Variants in TINAGL1 observed in about 807,000 individuals in gnomAD.
TINAGL1 encodes the protein tubulointerstitial nephritis antigen-like.
TINAGL1 carries 34 observed loss-of-function variants against 62.0 expected under a neutral mutation model. The ratio of observed to expected loss-of-function variants is 0.55; its 90% CI spans 0.42 to 0.73. TINAGL1 has a LOEUF of 0.73. TINAGL1 is among the 30% of genes least tolerant of loss of function. TINAGL1 has a pLI of 0.00. For missense variants in TINAGL1, 516 were observed against 653.2 expected (o/e 0.79, Z 2.29); for synonymous variants, 221 against 249.7 (o/e 0.88, Z 1.08).
chr1:31,587,128 A>AAC lies in TINAGL1; in HGVS notation c.*149_*150insAC. The AAC allele has an allele frequency of 8.3e-7, 1 of 1,208,140 alleles. No individual in the cohort carries two copies. The highest frequency in any genetic ancestry group is 3.0e-4 in the Middle Eastern group (1 of 3,282). The allele number at this position is 1,208,140 out of a possible 1,614,324, so 74.8% of individuals were successfully genotyped here. A position where few individuals can be genotyped will look rare whatever the true frequency, so the allele number is the denominator to read the frequency against. On this transcript the variant is annotated 3_prime_UTR_variant, in exon 12 of 12. Coordinates refer to ENST00000271064, the MANE Select transcript of TINAGL1 (RefSeq NM_022164.3). ...GCTAATCCCGGCGCGGGTTCCGCTGACGCAGCGCCCCGCCTGGGAGCCGCG... is the reference window on the plus strand; with the variant it reads ...GCTAATCCCGGCGCGGGTTCCGCTGAACCGCAGCGCCCCGCCTGGGAGCCGCG...
In TINAGL1 at chr1:31,586,045, T is replaced by C. The variant is rs192957741; in HGVS notation, c.1217+169T>C. The C allele has an allele frequency of 1.7e-4, 172 of 993,376 alleles. 1 individual carries two copies. The African/African-American group carries it at 2.1e-3, about 12-fold the overall frequency. The allele number at this position is 993,376 out of a possible 1,614,324, so 61.5% of individuals were successfully genotyped here. A position where few individuals can be genotyped will look rare whatever the true frequency, so the allele number is the denominator to read the frequency against. On this transcript the variant is annotated intron_variant, in intron 10 of 11. Coordinates refer to ENST00000271064, the MANE Select transcript of TINAGL1 (RefSeq NM_022164.3). The stretch of plus-strand genomic sequence containing the variant: ...GAGAAAGGACTTGCCCTGGGTCGAA[T>C]TGAAGGTTGGGAGCCTCTGAAGGCT...
intron 10 of TINAGL1, chr1:31,586,469 C>G (rs2148596583): frequency 3.3e-6 from 2 of 599,722 alleles, no homozygotes; most frequent in African/African-American, 3.7e-5. Flanking sequence ...TCCTCTTCTG[C>G]TCACCTTGCC....
chr1:31,584,924 C>T lies in TINAGL1; in HGVS notation c.745C>T (p.His249Tyr), dbSNP rs774678288. 5.0e-6 allele frequency: 8 copies of T among 1,609,596 alleles called. No homozygotes were observed. The highest frequency in any genetic ancestry group is 6.8e-6 in the Non-Finnish European group (8 of 1,176,224). The change falls in exon 7 of 12, where the codon CAC becomes TAC. Residue 249 changes from histidine (H) to tyrosine (Y), a missense_variant. His to Tyr is a moderately conservative substitution (Grantham distance 83). Transcript: ENST00000271064. This position sits in a 1 kb window ranked among gnomAD's most constrained non-coding sequence, Gnocchi z 4.0. ...SDRVSIHSLG[H>Y]MTPVLSPQNL... ...TCGTGTCTCAATCCATTCTCTGGGA[C>T]ACATGACGCCTGTCCTGTCGCCCCA...
At position 31,583,122 on chromosome 1, in the gene TINAGL1, C is replaced by G. The variant is rs768655647; in HGVS notation, c.375-27C>G. On this transcript the variant is annotated intron_variant, in intron 3 of 11. Coordinates refer to ENST00000271064, the MANE Select transcript of TINAGL1 (RefSeq NM_022164.3). This position sits in a 1 kb window ranked among gnomAD's most constrained non-coding sequence, Gnocchi z 4.4. ...AAAGTATCCCCAGTCCCCCACTTAC[C>G]CTTTCCTTCTCTCCTTTTCTCACCA... 3 of 1,610,270 alleles carry G rather than the reference C, an allele frequency of 1.9e-6. No individual in the cohort carries two copies. Among genetic ancestry groups the G allele is most frequent in the Admixed American group, 3.3e-5 (2 of 60,020 alleles).
At position 31,585,260 on chromosome 1, in the gene TINAGL1, G is replaced by T. The variant is rs1271033472; in HGVS notation, c.967G>T (p.Ala323Ser). The T allele has an allele frequency of 1.2e-6, 2 of 1,613,642 alleles. No individual in the cohort carries two copies. The highest frequency in any genetic ancestry group is 2.2e-5 in the East Asian group (1 of 44,870). Residue 323 changes from alanine to serine, a missense_variant, in exon 8 of 12, where the codon GCC (alanine) becomes TCC (serine). Physicochemically the swap from Ala to Ser is moderately conservative, Grantham distance 99. Transcript: ENST00000271064. The surrounding 1 kb of genome is among the most constrained non-coding windows in gnomAD (Gnocchi z 4.3). The stretch of plus-strand genomic sequence containing the variant: ...AGCCATGGGTCGGGGCAAGCGCCAG[G>T]CCACTGCCCACTGCCCCAACAGCTA... ...SRAMGRGKRQ[A>S]TAHCPNSYVN...
intron 10 of TINAGL1, chr1:31,586,472 A>C (rs889963763): frequency 3.3e-6 from 2 of 600,860 alleles, no homozygotes; most frequent in South Asian, 3.9e-5. Context: ...TCTTCTGCTC[A>C]CCTTGCCTCC....
In TINAGL1 at chr1:31,584,990, C is replaced by T. The variant is rs1300883425; in HGVS notation, c.811C>T (p.Arg271Cys). The T allele has an allele frequency of 4.3e-6, 7 of 1,610,864 alleles. No individual in the cohort carries two copies. Among genetic ancestry groups the T allele is most frequent in the East Asian group, 2.2e-5 (1 of 44,794 alleles). ...TGACACCCACCAGCAGCAGGGCTGC[C>T]GCGGTGGGCGTCTCGATGGTGCCTG... is the stretch of plus-strand genomic sequence containing the variant. Reference protein sequence around the residue: ...SCDTHQQQGCRGGRLDGAWWF... With the variant: ...SCDTHQQQGCCGGRLDGAWWF... Residue 271 changes from arginine to cysteine, a missense_variant, in exon 7 of 12, where the codon CGC (arginine) becomes TGC (cysteine). Physicochemically the swap from Arg to Cys is radical, Grantham distance 180. Coordinates refer to ENST00000271064, the MANE Select transcript of TINAGL1 (RefSeq NM_022164.3). The surrounding 1 kb of genome is among the most constrained non-coding windows in gnomAD (Gnocchi z 4.0).
At position 31,584,808 on chromosome 1, in the gene TINAGL1, CA is replaced by C; in HGVS notation, c.706+9del. The C allele has an allele frequency of 6.2e-7, 1 of 1,614,260 alleles. No homozygotes were observed. The highest frequency in any genetic ancestry group is 1.7e-5 in the Admixed American group (1 of 60,034). On this transcript the variant is annotated splice_region_variant and intron_variant, in intron 6 of 11. Transcript: ENST00000271064. The surrounding 1 kb of genome is among the most constrained non-coding windows in gnomAD (Gnocchi z 4.0). ...TGGGCCTTCTCCACAGCAGGTAAGC[CA>C]AGGGCAAGGGCTGGCGCCTGGGAGA...
intron 3 of TINAGL1, among the ~76,000 whole-genome samples, chr1:31,581,138 C>T (rs1040220292): frequency 1.3e-5 from 2 of 152,190 alleles, no homozygotes; most frequent in African/African-American, 2.4e-5. Context: ...AGGGGAGAGA[C>T]GTCCCAAGGA....
chr1:31,577,604 A>C lies in TINAGL1; in HGVS notation c.310+146A>C. 5.6e-6 allele frequency: 5 copies of C among 893,176 alleles called. No individual in the cohort carries two copies. Among genetic ancestry groups the C allele is most frequent in the South Asian group, 3.7e-5 (2 of 53,540 alleles). The allele number at this position is 893,176 out of a possible 1,614,324, so 55.3% of individuals were successfully genotyped here. ...TCTTCCCTGCCCCTCTGGGAACTTT[A>C]CTCTCCAGCAAGACTGAAGAAGCTC... On this transcript the variant is annotated intron_variant, in intron 2 of 11. Coordinates refer to ENST00000271064, the MANE Select transcript of TINAGL1 (RefSeq NM_022164.3). The surrounding 1 kb of genome is among the most constrained non-coding windows in gnomAD (Gnocchi z 5.4).
rs556706285 is a variant in TINAGL1, at chr1:31,587,157, A to T, written c.*178A>T. 9.9e-7 allele frequency: 1 copy of T among 1,012,842 alleles called. No individual in the cohort carries two copies. 62.7% of individuals were successfully genotyped at this position (1,012,842 alleles called of 1,614,324 possible). A position where few individuals can be genotyped will look rare whatever the true frequency, so the allele number is the denominator to read the frequency against. The stretch of plus-strand genomic sequence containing the variant: ...AGCGCCCCGCCTGGGAGCCGCGGGC[A>T]GGCGAGACTGGCGGAGCCCCCAGAC... On this transcript the variant is annotated 3_prime_UTR_variant, in exon 12 of 12. Transcript: ENST00000271064.
intron 2 of TINAGL1, among the ~76,000 whole-genome samples, chr1:31,578,807 T>C (rs1185412150): frequency 3.6e-5 from 5 of 138,300 alleles, no homozygotes; most frequent in African/African-American, 2.7e-5. Flanking sequence ...TCAGTTATAG[T>C]TTAATTTCAG....
chr1:31,585,946 GGGTTCT>G lies in TINAGL1; in HGVS notation c.1217+71_1217+76del. 6.7e-7 allele frequency: 1 copy of G among 1,482,020 alleles called. No individual in the cohort carries two copies. The highest frequency in any genetic ancestry group is 9.0e-7 in the Non-Finnish European group (1 of 1,112,850). The allele number at this position is 1,482,020 out of a possible 1,614,324, so 91.8% of individuals were successfully genotyped here. On this transcript the variant is annotated intron_variant, in intron 10 of 11. Coordinates refer to ENST00000271064, the MANE Select transcript of TINAGL1 (RefSeq NM_022164.3). This position sits in a 1 kb window ranked among gnomAD's most constrained non-coding sequence, Gnocchi z 4.3. ...TGCTAGGGGCTCTGGAGCCTGCCTTGGGTTCTTACAACCTCTCTAAAAAGCCAGGAC... is the reference window on the plus strand; with the variant it reads ...TGCTAGGGGCTCTGGAGCCTGCCTTGTACAACCTCTCTAAAAAGCCAGGAC...
chr1:31,577,158 T>C lies in TINAGL1; in HGVS notation c.10T>C (p.Cys4Arg), dbSNP rs1268059340. Residue 4 changes from cysteine (C) to arginine (R), a missense_variant, in exon 2 of 12, where the codon TGT becomes CGT. Transcript: ENST00000271064. The surrounding 1 kb of genome is among the most constrained non-coding windows in gnomAD (Gnocchi z 5.4). ...GGGCCCAGGAGCCACCATGTGGCGA[T>C]GTCCACTGGGGCTACTGCTGTTGCT... MWR[C>R]PLGLLLLLPL... The C allele has an allele frequency of 6.5e-7, 1 of 1,534,608 alleles. No homozygotes were observed. Among genetic ancestry groups the C allele is most frequent in the Non-Finnish European group, 8.7e-7 (1 of 1,144,540 alleles).
chr1:31,586,815 C>T (rs1639405863), intron 11 of TINAGL1, 24 bp from the exon 12 acceptor site: 2 of 1,543,006 alleles, frequency 1.3e-6, no homozygotes, highest in Non-Finnish European at 1.8e-6. Flanking sequence ...CATTCCCCTT[C>T]TCACCACCCC....
Position 31,585,490 on chromosome 1 carries a change from AC to A in TINAGL1, c.1093+10del, listed in dbSNP as rs753238456. On this transcript the variant is annotated splice_donor_region_variant and intron_variant, in intron 9 of 11. Transcript: ENST00000271064. This position sits in a 1 kb window ranked among gnomAD's most constrained non-coding sequence, Gnocchi z 4.3. ...TGGAGAATGGCCCTGTCCAAGGTAA[AC>A]CCCCTTATCCAGCACCCTGGTTCCA... 10 of 1,613,918 alleles carry A rather than the reference AC, an allele frequency of 6.2e-6. No individual in the cohort carries two copies. The highest frequency in any genetic ancestry group is 3.4e-6 in the Non-Finnish European group (4 of 1,179,980).
chr1:31,578,490 G>A (rs1352766815), intron 2 of TINAGL1, among the ~76,000 whole-genome samples: 1 of 145,952 alleles, frequency 6.9e-6, no homozygotes, highest in Non-Finnish European at 1.5e-5. Flanking sequence ...ATTTCAGTGA[G>A]AGCTGGTATG....
At chr1:31,578,085 C>T (rs1639049747) in intron 2 of TINAGL1, 6 of 942,412 alleles carry the variant, frequency 6.4e-6, no homozygotes, top group South Asian at 4.9e-5. Flanking sequence ...CAAGCCCTAA[C>T]TTATTTAAAT....
intron 3 of TINAGL1, chr1:31,580,542 G>A: frequency 2.3e-6 from 3 of 1,289,268 alleles, no homozygotes; most frequent in Non-Finnish European, 3.0e-6. Context: ...GGGAAAGGAA[G>A]GATGAGGAAA....
Sources: gnomAD v4.1 joint callset for allele counts (sites outside exome capture counted in the v4.1 genomes callset) on GRCh38, gnomAD v4.1.1 for gene constraint, Gnocchi (gnomAD v3.1) non-coding constraint, MANE v1.5 for transcripts, NCBI Gene and HGNC (gene_info 2026-07-23, HGNC 2026-07-21) for gene names.